The following RORA variants were observed in gnomAD, a reference collection of about 807,000 sequenced individuals.
The protein encoded by RORA is RAR related orphan receptor A, also known as nuclear receptor ROR-alpha.
In RORA, 7 loss-of-function variants were observed where a neutral mutation model predicts 69.5. The ratio of observed to expected loss-of-function variants is 0.10; its 90% CI spans 0.06 to 0.19. The LOEUF (loss-of-function observed/expected upper bound fraction) is 0.19, where lower values mean the gene tolerates loss of function less well. RORA is among the 10% of genes least tolerant of loss of function. The pLI is 1.00. For synonymous variants in RORA, 261 were observed against 240.8 expected (o/e 1.08, Z -0.78); for missense variants, 457 against 663.0 (o/e 0.69, Z 3.41).
intron 1 of RORA, among the ~76,000 whole-genome samples, chr15:60,796,752 G>A (rs1318694665): frequency 4.0e-5 from 6 of 151,884 alleles, no homozygotes; most frequent in East Asian, 3.9e-4. Flanking sequence ...TAACAGCACC[G>A]TTCACAATTG....
intron 1 of RORA, among the ~76,000 whole-genome samples, chr15:61,158,257 T>C (rs1393519324): frequency 6.6e-6 from 1 of 152,036 alleles, no homozygotes; most frequent in Non-Finnish European, 1.5e-5. Context: ...AGCGGGCAAA[T>C]ATGTGCTGAT....
intron 1 of RORA, among the ~76,000 whole-genome samples, chr15:61,019,554 C>T (rs908254603): frequency 9.2e-5 from 14 of 151,992 alleles, no homozygotes; most frequent in Non-Finnish European, 2.9e-5. Flanking sequence ...AGAGGATAAT[C>T]GTTAGAGATG....
chr15:61,162,944 C>G (rs568585210), intron 1 of RORA, among the ~76,000 whole-genome samples: 1 of 152,280 alleles, frequency 6.6e-6, no homozygotes, highest in African/African-American at 2.4e-5. Context: ...GGTCTTGCCA[C>G]CTATGCGTCA....
At chr15:61,170,292 G>A (rs997152412) in intron 1 of RORA, among the ~76,000 whole-genome samples, 9 of 152,156 alleles carry the variant, frequency 5.9e-5, no homozygotes, top group Admixed American at 3.3e-4. Flanking sequence ...GTTTTCTTGC[G>A]TTTTCTACTT....
At chr15:60,679,203 A>G (rs1360994357) in intron 1 of RORA, among the ~76,000 whole-genome samples, 1 of 152,186 alleles carries the variant, frequency 6.6e-6, no homozygotes, top group Admixed American at 6.5e-5. Context: ...AAATGTACCT[A>G]TGTGTCTGTA....
intron 1 of RORA, among the ~76,000 whole-genome samples, chr15:60,795,204 G>A (rs1037302461): frequency 6.6e-6 from 1 of 152,148 alleles, no homozygotes; most frequent in Non-Finnish European, 1.5e-5. Context: ...GTGGTTGGTG[G>A]TGGAGACAGC....
At chr15:60,699,250 C>A (rs1473540213) in intron 1 of RORA, among the ~76,000 whole-genome samples, 2 of 151,864 alleles carry the variant, frequency 1.3e-5, no homozygotes, top group Non-Finnish European at 1.5e-5. Context: ...TTATTTATTG[C>A]AAAAATATAT....
intron 1 of RORA, among the ~76,000 whole-genome samples, chr15:60,988,424 T>C (rs1311287465): frequency 6.6e-6 from 1 of 152,192 alleles, no homozygotes; most frequent in Non-Finnish European, 1.5e-5. Context: ...ATTACCTCCA[T>C]TCAGCTCAGG....
At chr15:61,189,133 G>A (rs780390726) in intron 1 of RORA, among the ~76,000 whole-genome samples, 3 of 152,138 alleles carry the variant, frequency 2.0e-5, no homozygotes, top group Non-Finnish European at 4.4e-5. Context: ...AGCAACCCAC[G>A]AGCCTAAAAG....
intron 1 of RORA, among the ~76,000 whole-genome samples, chr15:60,986,798 G>C (rs1180017864): frequency 2.0e-5 from 3 of 152,194 alleles, no homozygotes; most frequent in African/African-American, 7.2e-5. Context: ...GGCTGGGCCA[G>C]TAGGATTGTA....
At chr15:60,529,210 T>C (rs2066455263) in intron 3 of RORA, 1 of 152,230 alleles carries the variant, frequency 6.6e-6, no homozygotes, top group Non-Finnish European at 1.5e-5. Context: ...TCATTAGATA[T>C]CTATTTGATA....
chr15:60,888,299 C>G (rs72750690), intron 1 of RORA, among the ~76,000 whole-genome samples: 1,708 of 152,354 alleles, frequency 0.011, 19 homozygotes, highest in Non-Finnish European at 0.017. Context: ...TCAGGGGACA[C>G]TGGCCTGACC....
At chr15:61,190,298 G>T (rs1387952700) in intron 1 of RORA, among the ~76,000 whole-genome samples, 2 of 152,094 alleles carry the variant, frequency 1.3e-5, no homozygotes, top group African/African-American at 2.4e-5. Flanking sequence ...ATTAACAAAA[G>T]GGACACCAAT....
At chr15:60,661,486 T>C (rs2070303607) in intron 2 of RORA, among the ~76,000 whole-genome samples, 1 of 152,194 alleles carries the variant, frequency 6.6e-6, no homozygotes, top group Admixed American at 6.5e-5. Context: ...AGAATTCCTT[T>C]CACTCAGACA....
At chr15:60,794,048 G>A (rs1673299) in intron 1 of RORA, among the ~76,000 whole-genome samples, 148 of 152,286 alleles carry the variant, frequency 9.7e-4, no homozygotes, top group African/African-American at 3.5e-3. Flanking sequence ...TCCCTTCTTT[G>A]GCAGCCTTTT....
chr15:61,165,926 G>A (rs1270877058), intron 1 of RORA, among the ~76,000 whole-genome samples: 3 of 152,160 alleles, frequency 2.0e-5, no homozygotes, highest in Non-Finnish European at 2.9e-5. Flanking sequence ...TACAAAATGT[G>A]AAGCCCAGGA....
intron 1 of RORA, among the ~76,000 whole-genome samples, chr15:60,922,567 A>G (rs895970597): frequency 6.6e-6 from 1 of 152,244 alleles, no homozygotes; most frequent in South Asian, 2.1e-4. Context: ...ACTCATAAAT[A>G]TATTTTCACA....
chr15:60,905,832 C>T lies in RORA; in HGVS notation c.167-227146G>A, dbSNP rs1218521677. Among the ~76,000 whole-genome samples the T allele has an allele frequency of 7.9e-5, 12 of 152,188 alleles. No individual in the cohort carries two copies. Among genetic ancestry groups the T allele is most frequent in the Admixed American group, 7.9e-4 (12 of 15,282 alleles). ...CCCTAGGATATCCCTTTCCTTGCTA[C>T]TGAAAGAAATGGTGCTGAATTCACC... is the stretch of plus-strand genomic sequence containing the variant. On this transcript the variant is annotated intron_variant, in intron 1 of 10. Transcript: ENST00000335670. This position sits in a 1 kb window ranked among gnomAD's most constrained non-coding sequence, Gnocchi z 4.8.
At chr15:60,923,890 GGCAA>G (rs1329773413) in intron 1 of RORA, among the ~76,000 whole-genome samples, 5 of 152,168 alleles carry the variant, frequency 3.3e-5, no homozygotes. Context: ...AGCTGGAGTG[GGCAA>G]GGGCTCAGAA....
Sources: gnomAD v4.1 joint callset for allele counts (sites outside exome capture counted in the v4.1 genomes callset) on GRCh38, gnomAD v4.1.1 for gene constraint, Gnocchi (gnomAD v3.1) non-coding constraint, MANE v1.5 for transcripts, NCBI Gene and HGNC (gene_info 2026-07-23, HGNC 2026-07-21) for gene names.